The following PADI1 variants were observed in gnomAD, a reference collection of about 807,000 sequenced individuals.
The protein encoded by PADI1 is protein-arginine deiminase type-1.
A neutral mutation model predicts 74.8 loss-of-function variants in PADI1; 65 were observed. The ratio of observed to expected loss-of-function variants is 0.87; its 90% CI spans 0.71 to 1.07. PADI1 has a LOEUF of 1.07. Among genes scored for constraint, PADI1 ranks in the 50% least tolerant of loss-of-function variants. The probability of loss-of-function intolerance (pLI) is 0.00; values close to 1 mark genes in which losing one functional copy is unlikely to be tolerated. For missense variants in PADI1, 943 were observed against 854.0 expected (o/e 1.10, Z -1.30); for synonymous variants, 371 against 336.2 (o/e 1.10, Z -1.13).
chr1:17,224,903 G>A, intron 4 of PADI1, among the ~76,000 whole-genome samples: 1 of 144,592 alleles, frequency 6.9e-6, no homozygotes, highest in Non-Finnish European at 1.6e-5. Flanking sequence ...CTATCTGGAA[G>A]CTGTCCTGGG....
intron 1 of PADI1, among the ~76,000 whole-genome samples, chr1:17,215,648 A>T (rs1450288915): frequency 6.6e-6 from 1 of 152,022 alleles, no homozygotes; most frequent in Non-Finnish European, 1.5e-5. Context: ...GGCCAGGCCG[A>T]CTGGATTCAA....
intron 12 of PADI1, 72 bp from the exon 13 acceptor site, chr1:17,238,544 G>A: frequency 1.3e-6 from 1 of 756,552 alleles, no homozygotes; most frequent in Non-Finnish European, 2.0e-6. Flanking sequence ...CCCCTCCTGA[G>A]TCCTGAGTCT....
chr1:17,223,284 G>A (rs1019021543), intron 2 of PADI1, among the ~76,000 whole-genome samples: 2 of 152,140 alleles, frequency 1.3e-5, no homozygotes, highest in Non-Finnish European at 2.9e-5. Flanking sequence ...GAGGAGCTGA[G>A]AGACTTGCCT....
At chr1:17,232,291 A>G (rs956387694) in intron 10 of PADI1, among the ~76,000 whole-genome samples, 11 of 152,156 alleles carry the variant, frequency 7.2e-5, no homozygotes, top group African/African-American at 2.7e-4. Flanking sequence ...CCCAGACTAG[A>G]GTGCAGTGGT....
chr1:17,235,908 T>G (rs1360122591), intron 11 of PADI1, among the ~76,000 whole-genome samples: 2 of 152,092 alleles, frequency 1.3e-5, no homozygotes, highest in African/African-American at 4.8e-5. Context: ...GGACCCCACA[T>G]GGGAAAGTGA....
In PADI1 at chr1:17,245,227, CTT is replaced by C. The variant is rs1294234367; in HGVS notation, c.*986_*987del. ...GTGGAGTTTAATTTCCTTTAATAGT[CTT>C]TAATTATTCCCCTTCATTCTGCAGG... is the stretch of plus-strand genomic sequence containing the variant. On this transcript the variant is annotated 3_prime_UTR_variant, in exon 16 of 16. Coordinates refer to ENST00000375471, the MANE Select transcript of PADI1 (RefSeq NM_013358.3). The surrounding 1 kb of genome is among the most constrained non-coding windows in gnomAD (Gnocchi z 4.1). The C allele has an allele frequency of 6.6e-6, 1 of 152,624 alleles. No individual in the cohort carries two copies. The highest frequency in any genetic ancestry group is 2.4e-5 in the African/African-American group (1 of 41,428). 9.5% of individuals were successfully genotyped at this position (152,624 alleles called of 1,614,324 possible). A position where few individuals can be genotyped will look rare whatever the true frequency, so the allele number is the denominator to read the frequency against.
intron 15 of PADI1, among the ~76,000 whole-genome samples, chr1:17,241,354 G>A (rs1168786561): frequency 1.3e-5 from 2 of 152,282 alleles, no homozygotes; most frequent in African/African-American, 4.8e-5. Context: ...GGATGTTGGG[G>A]TGTTGGCAGC....
chr1:17,223,644 G>T lies in PADI1; in HGVS notation c.297G>T (p.Glu99Asp). Reference sequence around the variant, plus strand: ...AGGTGAGGGTCTCCTACTTTGGGGAGCAGGAAGACCAAGCTCTGGGCCGCA... The same window carrying T: ...AGGTGAGGGTCTCCTACTTTGGGGATCAGGAAGACCAAGCTCTGGGCCGCA... ...DFKVRVSYFG[E>D]QEDQALGRSV... Residue 99 changes from glutamate (E) to aspartate (D), a missense_variant, in exon 3 of 16, where the codon GAG becomes GAT. By Grantham distance (45) the Glu-to-Asp change is conservative (BLOSUM62 2). Coordinates refer to ENST00000375471, the MANE Select transcript of PADI1 (RefSeq NM_013358.3). 6.2e-7 allele frequency: 1 copy of T among 1,614,086 alleles called. No individual in the cohort carries two copies. The highest frequency in any genetic ancestry group is 8.5e-7 in the Non-Finnish European group (1 of 1,179,968).
chr1:17,230,100 T>C lies in PADI1; in HGVS notation c.945T>C (p.His315=), dbSNP rs2072443516. ...CCTTTTACAGAGTGATGGACACTCA[T>C]GGCTCCAATGAGAAATTCCTGGAGG... ...ELYVCRVMDT[H]GSNEKFLEDM... is the part of the protein sequence containing the mutation. The change falls in exon 9 of 16, where the codon CAT becomes CAC. Residue 315 remains histidine (H), a synonymous_variant. Transcript: ENST00000375471. The C allele has an allele frequency of 1.9e-6, 3 of 1,613,896 alleles. No individual in the cohort carries two copies. The highest frequency in any genetic ancestry group is 1.3e-5 in the African/African-American group (1 of 74,940).
intron 10 of PADI1, among the ~76,000 whole-genome samples, chr1:17,231,775 G>GTA (rs898355158): frequency 6.6e-6 from 1 of 151,318 alleles, no homozygotes; most frequent in Non-Finnish European, 1.5e-5. Flanking sequence ...TTATTTATAT[G>GTA]TATATATATA....
intron 1 of PADI1, among the ~76,000 whole-genome samples, chr1:17,206,499 G>A (rs1237436815): frequency 6.6e-6 from 1 of 152,124 alleles, no homozygotes; most frequent in Non-Finnish European, 1.5e-5. Context: ...GGCCAGCAGA[G>A]ACCCCATTGT....
intron 1 of PADI1, among the ~76,000 whole-genome samples, chr1:17,208,024 A>C (rs777111787): frequency 6.6e-6 from 1 of 152,248 alleles, no homozygotes; most frequent in Non-Finnish European, 1.5e-5. Context: ...AGCAGGAGGA[A>C]GGGGTTACAC....
rs796276122 is a variant in PADI1, at chr1:17,206,683, C to CTTTT, written c.92+1392_92+1395dup. ...AAGCTGAAGTCTTTTTTTTCTTTTT[C>CTTTT]TTTTTTTTTTTTTTTTTTTTTGAGA... On this transcript the variant is annotated intron_variant, in intron 1 of 15. Transcript: ENST00000375471. 2.6e-4 allele frequency among the ~76,000 whole-genome samples: 29 copies of CTTTT among 109,760 alleles called. 1 individual carries two copies. Among genetic ancestry groups the CTTTT allele is most frequent in the Non-Finnish European group, 4.2e-4 (22 of 52,624 alleles). 72.0% of individuals were successfully genotyped at this position (109,760 alleles called of 152,430 possible).
intron 3 of PADI1, 107 bp from the exon 4 acceptor site, chr1:17,224,260 A>T: frequency 1.1e-6 from 1 of 894,090 alleles, no homozygotes; most frequent in Non-Finnish European, 1.8e-6. Flanking sequence ...CAGGGCTTCC[A>T]GTCCTCACGG....
At position 17,232,803 on chromosome 1, in the gene PADI1, G is replaced by GGGTT. The variant is rs1557475809; in HGVS notation, c.1162-16_1162-15insGGTT. The GGGTT allele has an allele frequency of 1.9e-6, 3 of 1,602,350 alleles. No homozygotes were observed. The South Asian group carries it at 3.3e-5, about 18-fold the overall frequency. On this transcript the variant is annotated splice_polypyrimidine_tract_variant and intron_variant, in intron 10 of 15. Transcript: ENST00000375471. ...CTCTCCTTCTTGGGGTGGGGGTCTC[G>GGGTT]CTGGTTCTTCCATAGGGTCCTGACT...
chr1:17,234,253 G>A (rs946120223), intron 11 of PADI1, among the ~76,000 whole-genome samples: 5 of 152,136 alleles, frequency 3.3e-5, no homozygotes, highest in Non-Finnish European at 5.9e-5. Context: ...AAGGTACTGG[G>A]GATACATCAG....
rs190999973 is a variant in PADI1, at chr1:17,213,348, C to T, written c.92+8039C>T. 1.6e-4 allele frequency among the ~76,000 whole-genome samples: 24 copies of T among 152,298 alleles called. No homozygotes were observed. The East Asian group carries it at 2.1e-3, about 13-fold the overall frequency. On this transcript the variant is annotated intron_variant, in intron 1 of 15. Transcript: ENST00000375471. ...ACCAGACCCCTGCAACTGAGCTCCC[C>T]GCGGCCTGGGCATAATCAGTACTGC...
intron 1 of PADI1, among the ~76,000 whole-genome samples, chr1:17,221,326 G>T (rs2072141956): frequency 6.6e-6 from 1 of 152,144 alleles, no homozygotes; most frequent in Non-Finnish European, 1.5e-5. Flanking sequence ...CTGCCCTTGT[G>T]GAGCTGACCT....
intron 2 of PADI1, among the ~76,000 whole-genome samples, chr1:17,222,898 C>A (rs1364384556): frequency 6.6e-6 from 1 of 152,154 alleles, no homozygotes; most frequent in African/African-American, 2.4e-5. Flanking sequence ...AGCCAACCTT[C>A]TCTCTCATCG....
Sources: gnomAD v4.1 joint callset for allele counts (sites outside exome capture counted in the v4.1 genomes callset) on GRCh38, gnomAD v4.1.1 for gene constraint, Gnocchi (gnomAD v3.1) non-coding constraint, MANE v1.5 for transcripts, NCBI Gene and HGNC (gene_info 2026-07-23, HGNC 2026-07-21) for gene names.